Variants in PDLIM2 observed in about 807,000 individuals in gnomAD.
The protein encoded by PDLIM2 is PDZ and LIM domain protein 2.
In PDLIM2, 51 loss-of-function variants were observed where a neutral mutation model predicts 54.1. The ratio of observed to expected loss-of-function variants is 0.94; its 90% confidence interval spans 0.75 to 1.19. The LOEUF is 1.19. Ranked by LOEUF, PDLIM2 falls within the 50% of genes most tolerant of loss-of-function variation. PDLIM2 has a pLI of 0.00. For missense variants in PDLIM2, 912 were observed against 874.0 expected (o/e 1.04, Z -0.55); for synonymous variants, 398 against 385.6 (o/e 1.03, Z -0.38).
At chr8:22,587,832 G>A (rs1800422667) in intron 6 of PDLIM2, 1 of 152,450 alleles carries the variant, frequency 6.6e-6, no homozygotes, top group Non-Finnish European at 1.5e-5. Flanking sequence ...CATGGCCAAG[G>A]CTGCAGAGAG....
At chr8:22,589,679 C>G in exon 8 of PDLIM2, 1 of 1,575,932 alleles carries the variant, frequency 6.3e-7, no homozygotes, top group Non-Finnish European at 8.6e-7. Context: ...GAGGGACGGG[C>G]GGCCCCCCGA....
chr8:22,579,437 G>A, exon 1 of PDLIM2: 7 of 1,517,198 alleles, frequency 4.6e-6, no homozygotes, highest in Non-Finnish European at 5.3e-6. Flanking sequence ...CCCTCGGAGC[G>A]AAGGAGGCTC....
At chr8:22,581,356 A>C in intron 2 of PDLIM2, 23 bp from the exon 2 acceptor site, 1 of 1,581,336 alleles carries the variant, frequency 6.3e-7, no homozygotes, top group South Asian at 1.1e-5. Context: ...CGGTCTGAGC[A>C]TGCCAGCTCC....
chr8:22,581,575 C>T (rs1285019935), intron 3 of PDLIM2, 45 bp downstream of exon 2: 3 of 1,528,550 alleles, frequency 2.0e-6, no homozygotes, highest in South Asian at 1.3e-5. Context: ...CCCCCTCCTC[C>T]ACCACCCCAC....
rs6985992 is a variant in PDLIM2, at chr8:22,593,675, A to T, written c.1632-58A>T. ...ACAGTGGGGACCAGGCCCCCTGGGCATGGTGGCCTCCTGCTTGGTGCTGTG... is the reference window on the plus strand; with the variant it reads ...ACAGTGGGGACCAGGCCCCCTGGGCTTGGTGGCCTCCTGCTTGGTGCTGTG... On this transcript the variant is annotated intron_variant, in intron 9 of 9. Coordinates refer to ENST00000308354, the Ensembl canonical transcript of PDLIM2. The T allele has an allele frequency of 1.8e-4, 257 of 1,456,784 alleles. 1 individual carries two copies. In the African/African-American group the frequency reaches 3.1e-3, roughly 18 times the overall value. 90.2% of individuals were successfully genotyped at this position (1,456,784 alleles called of 1,614,324 possible).
At chr8:22,580,896 G>A (rs908563432) in intron 2 of PDLIM2, 199 bp downstream of exon 1, 8 of 726,494 alleles carry the variant, frequency 1.1e-5, no homozygotes, top group Non-Finnish European at 1.8e-5. Flanking sequence ...CCTTGGGAGT[G>A]AAAGGGAGCT....
chr8:22,582,722 C>T (rs780519168), intron 3 of PDLIM2, among the ~76,000 whole-genome samples: 3 of 151,694 alleles, frequency 2.0e-5, no homozygotes, highest in Admixed American at 6.6e-5. Context: ...CCTGGGACTA[C>T]AGGCGCGTGC....
chr8:22,586,641 T>C (rs764725784), intron 6 of PDLIM2, among the ~76,000 whole-genome samples: 5 of 152,078 alleles, frequency 3.3e-5, no homozygotes, highest in Non-Finnish European at 7.4e-5. Flanking sequence ...GAGCCAGGAA[T>C]GAGCTTGTTT....
chr8:22,585,570 C>G, intron 6 of PDLIM2, 171 bp downstream of exon 5: 1 of 451,348 alleles, frequency 2.2e-6, no homozygotes, highest in South Asian at 2.7e-5. Context: ...TGCTTCTGGT[C>G]GTGGGCCACC....
chr8:22,581,202 C>T, intron 2 of PDLIM2, 177 bp from the exon 2 acceptor site: 1 of 770,960 alleles, frequency 1.3e-6, no homozygotes, highest in Non-Finnish European at 2.1e-6. Flanking sequence ...GGGCTGCCAC[C>T]TGCGCTCCTG....
At chr8:22,593,740 G>A in exon 10 of PDLIM2, 2 of 1,585,408 alleles carry the variant, frequency 1.3e-6, no homozygotes, top group Non-Finnish European at 8.6e-7. Context: ...CAGGAACCAG[G>A]CTGTGCGCAT....
intron 3 of PDLIM2, among the ~76,000 whole-genome samples, chr8:22,582,656 A>T (rs1800241558): frequency 7.0e-6 from 1 of 141,968 alleles, no homozygotes; most frequent in South Asian, 2.2e-4. Flanking sequence ...ATCTCGGCTC[A>T]CTGCCACCTC....
downstream of PDLIM2, chr8:22,597,313 A>G (rs3735894): frequency 0.31 from 46,871 of 152,194 alleles, 7,504 homozygotes; most frequent in South Asian, 0.39. Context: ...TAGGCTTGGG[A>G]CTGCGGCTGC....
At chr8:22,583,487 C>G (rs752072087) in intron 3 of PDLIM2, among the ~76,000 whole-genome samples, 3 of 152,098 alleles carry the variant, frequency 2.0e-5, no homozygotes, top group Non-Finnish European at 1.5e-5. Flanking sequence ...GTAATCAGGC[C>G]GGGCGCAGTG....
intron 3 of PDLIM2, among the ~76,000 whole-genome samples, chr8:22,582,361 C>T (rs547665750): frequency 3.9e-5 from 6 of 152,202 alleles, no homozygotes; most frequent in South Asian, 2.1e-4. Context: ...TTTGCAGGAG[C>T]GGGACCCCAA....
At chr8:22,589,495 G>T in intron 7 of PDLIM2, 101 bp from the exon 7 acceptor site, 1 of 1,526,674 alleles carries the variant, frequency 6.6e-7, no homozygotes, top group Non-Finnish European at 8.9e-7. Context: ...CCACCTCCCA[G>T]ATTCCTCCCC....
chr8:22,591,406 C>T (rs775326051), intron 8 of PDLIM2, 145 bp from the exon 8 acceptor site: 2 of 729,788 alleles, frequency 2.7e-6, no homozygotes, highest in Non-Finnish European at 4.8e-6. Context: ...GCAAGATCAC[C>T]TTCCTCCTTA....
chr8:22,595,176 C>T (rs1360281494), downstream of PDLIM2: 1 of 153,234 alleles, frequency 6.5e-6, no homozygotes, highest in Non-Finnish European at 1.5e-5. Flanking sequence ...GCTTTGTGCT[C>T]TCCGGCTCTT....
At position 22,580,650 on chromosome 8, in the gene PDLIM2, C is replaced by T. The variant is rs778135270; in HGVS notation, c.796C>T (p.Arg266Cys). ...GGCCGGGCCAGCGCCCTGGGGCTTC[C>T]GTATCACAGGGGGCAGGGATTTCCA... Residue 266 changes from arginine (R) to cysteine (C), a missense_variant, in exon 2 of 10, where the codon CGT (arginine) becomes TGT (cysteine). Coordinates refer to ENST00000308354, the Ensembl canonical transcript of PDLIM2. 2.6e-5 allele frequency: 42 copies of T among 1,613,964 alleles called. No homozygotes were observed. Among genetic ancestry groups the T allele is most frequent in the South Asian group, 8.8e-5 (8 of 91,088 alleles).
Sources: allele counts gnomAD v4.1 joint callset (sites outside exome capture counted in the v4.1 genomes callset), GRCh38; gene constraint gnomAD v4.1.1; transcripts MANE v1.5; gene names NCBI Gene and HGNC (gene_info 2026-07-23, HGNC 2026-07-21).